Variants in CACNA1E observed in about 807,000 individuals in gnomAD.
The protein encoded by CACNA1E is voltage-dependent R-type calcium channel subunit alpha-1E.
In CACNA1E, 40 loss-of-function variants were observed where a neutral mutation model predicts 259.2. The ratio of observed to expected loss-of-function variants is 0.15; its 90% confidence interval spans 0.12 to 0.20. The LOEUF (loss-of-function observed/expected upper bound fraction) is 0.20, where lower values mean the gene tolerates loss of function less well. CACNA1E is among the 10% of genes least tolerant of loss of function. The probability of loss-of-function intolerance (pLI) is 1.00; values close to 1 mark genes in which losing one functional copy is unlikely to be tolerated. For synonymous variants in CACNA1E, 1,104 were observed against 1,138.5 expected (o/e 0.97, Z 0.61); for missense variants, 1,874 against 3,040.1 (o/e 0.62, Z 9.02).
At chr1:181,731,561 C>T (rs904086985) in intron 19 of CACNA1E, among the ~76,000 whole-genome samples, 5 of 152,164 alleles carry the variant, frequency 3.3e-5, no homozygotes, top group South Asian at 2.1e-4. Context: ...AGCGAGGATG[C>T]GTGTGGGTAC....
intron 43 of CACNA1E, among the ~76,000 whole-genome samples, chr1:181,786,954 G>T (rs1660894473): frequency 6.6e-6 from 1 of 151,960 alleles, no homozygotes; most frequent in Non-Finnish European, 1.5e-5. Context: ...CATGACCAAG[G>T]TCATTTTTTT....
rs770170041 is a variant in CACNA1E, at chr1:181,798,604, G to A, written c.6712G>A (p.Asp2238Asn). Reference protein sequence around the residue: ...ISEPYLALHEDSHASDCGEEE... With the variant: ...ISEPYLALHENSHASDCGEEE... ...CGAGCCCTACTTGGCCCTGCACGAAGACTCCCACGCCTCAGACTGTGGTGA... is the reference window on the plus strand; with the variant it reads ...CGAGCCCTACTTGGCCCTGCACGAAAACTCCCACGCCTCAGACTGTGGTGA... The change falls in exon 48 of 48, where the codon GAC becomes AAC. Residue 2238 changes from aspartate (D) to asparagine (N), a missense_variant. By Grantham distance (23) the Asp-to-Asn change is conservative. This residue lies in a region of CACNA1E where 542 missense variants were observed against 587.2 expected (regional missense o/e 0.92). Transcript: ENST00000367573. This position sits in a 1 kb window ranked among gnomAD's most constrained non-coding sequence, Gnocchi z 4.2. 6.2e-7 allele frequency: 1 copy of A among 1,613,322 alleles called. No homozygotes were observed.
intron 7 of CACNA1E, among the ~76,000 whole-genome samples, chr1:181,698,048 G>T (rs1290434559): frequency 6.6e-6 from 1 of 152,168 alleles, no homozygotes; most frequent in Non-Finnish European, 1.5e-5. Context: ...TCACATAAAA[G>T]GTCCTATGTA....
intron 3 of CACNA1E, among the ~76,000 whole-genome samples, chr1:181,567,746 C>G (rs1649989839): frequency 6.6e-6 from 1 of 152,138 alleles, no homozygotes; most frequent in South Asian, 2.1e-4. Context: ...ATTAAAGCAG[C>G]CATTCATGTT....
intron 3 of CACNA1E, among the ~76,000 whole-genome samples, chr1:181,546,941 T>C (rs1167183624): frequency 6.6e-6 from 1 of 152,164 alleles, no homozygotes; most frequent in African/African-American, 2.4e-5. Flanking sequence ...AAGCGATCTG[T>C]TCTTCCCTTT....
intron 6 of CACNA1E, among the ~76,000 whole-genome samples, chr1:181,581,660 G>A (rs1651556878): frequency 6.6e-6 from 1 of 152,198 alleles, no homozygotes; most frequent in Non-Finnish European, 1.5e-5. Context: ...AAGGCTTGGT[G>A]CAGACTCTAT....
intron 25 of CACNA1E, among the ~76,000 whole-genome samples, chr1:181,740,589 T>C (rs1476243579): frequency 6.6e-6 from 1 of 152,082 alleles, no homozygotes; most frequent in Non-Finnish European, 1.5e-5. Context: ...GTGCTAGGAG[T>C]GTAGGATCTC....
intron 1 of CACNA1E, among the ~76,000 whole-genome samples, chr1:181,349,395 C>T (rs1652857856): frequency 6.6e-6 from 1 of 152,226 alleles, no homozygotes; most frequent in Admixed American, 6.5e-5. Context: ...TTGGGAAGAA[C>T]AGCCCTGCCC....
intron 15 of CACNA1E, 99 bp from the exon 16 acceptor site, chr1:181,721,659 T>G: frequency 1.7e-6 from 1 of 602,698 alleles, no homozygotes. Context: ...AGCAAGGGGG[T>G]AGATGCAAAA....
intron 7 of CACNA1E, among the ~76,000 whole-genome samples, chr1:181,685,782 A>T (rs1039814040): frequency 6.6e-6 from 1 of 151,944 alleles, no homozygotes; most frequent in African/African-American, 2.4e-5. Context: ...CCTATATCTC[A>T]TAGTTTTATT....
intron 38 of CACNA1E, among the ~76,000 whole-genome samples, chr1:181,780,645 G>A (rs774862384): frequency 3.9e-5 from 6 of 152,212 alleles, no homozygotes; most frequent in Admixed American, 1.3e-4. Flanking sequence ...ACCCGCAGCC[G>A]CATGTGGGAG....
At chr1:181,748,151 G>T (rs1657271748) in intron 25 of CACNA1E, among the ~76,000 whole-genome samples, 1 of 151,950 alleles carries the variant, frequency 6.6e-6, no homozygotes, top group African/African-American at 2.4e-5. Context: ...TTTACTTTTG[G>T]CCTGTGTCTG....
At chr1:181,339,120 T>C (rs1475770588) in intron 1 of CACNA1E, among the ~76,000 whole-genome samples, 2 of 152,210 alleles carry the variant, frequency 1.3e-5, no homozygotes, top group Non-Finnish European at 2.9e-5. Context: ...ATTTTTCTTT[T>C]TCAAGATTGC....
chr1:181,661,400 G>A (rs906393140), intron 7 of CACNA1E, among the ~76,000 whole-genome samples: 1 of 152,144 alleles, frequency 6.6e-6, no homozygotes, highest in East Asian at 1.9e-4. Flanking sequence ...GGTGTTGGGG[G>A]CCAGGTGTCG....
At chr1:181,692,785 AT>A (rs1651300123) in intron 7 of CACNA1E, among the ~76,000 whole-genome samples, 1 of 152,166 alleles carries the variant, frequency 6.6e-6, no homozygotes, top group African/African-American at 2.4e-5. Flanking sequence ...ATAAAAAACA[AT>A]TGACAAGTGG....
intron 6 of CACNA1E, among the ~76,000 whole-genome samples, chr1:181,594,565 A>T (rs1652970911): frequency 1.3e-5 from 2 of 152,068 alleles, no homozygotes; most frequent in African/African-American, 2.4e-5. Flanking sequence ...TGCCAGACTA[A>T]TTTTTGTATT....
intron 3 of CACNA1E, among the ~76,000 whole-genome samples, chr1:181,512,728 C>T (rs577940135): frequency 6.6e-6 from 1 of 152,274 alleles, no homozygotes; most frequent in South Asian, 2.1e-4. Flanking sequence ...CAGCCAGCCC[C>T]TCAATATGGG....
intron 1 of CACNA1E, among the ~76,000 whole-genome samples, chr1:181,324,050 T>A (rs1355728512): frequency 6.6e-6 from 1 of 152,194 alleles, no homozygotes; most frequent in Admixed American, 6.5e-5. Context: ...TCACTTAAGT[T>A]CTCCCTGCTT....
upstream of CACNA1E, among the ~76,000 whole-genome samples, chr1:181,482,314 G>C (rs533800701): frequency 6.6e-6 from 1 of 152,372 alleles, no homozygotes; most frequent in African/African-American, 2.4e-5. Context: ...CAGCACTGGG[G>C]ACACCTCTCT....
Sources: gnomAD v4.1 joint callset for allele counts (sites outside exome capture counted in the v4.1 genomes callset) on GRCh38, gnomAD v4.1.1 for gene constraint, gnomAD v4.1.1 regional missense constraint, Gnocchi (gnomAD v3.1) non-coding constraint, MANE v1.5 for transcripts, NCBI Gene and HGNC (gene_info 2026-07-23, HGNC 2026-07-21) for gene names.